PTPN12: variants seen among roughly 807,000 people sequenced by gnomAD.
PTPN12 encodes the protein tyrosine-protein phosphatase non-receptor type 12.
A neutral mutation model predicts 97.6 loss-of-function variants in PTPN12; 29 were observed. The ratio of observed to expected loss-of-function variants is 0.30; its 90% CI spans 0.22 to 0.41. PTPN12 has a LOEUF of 0.41. Among genes scored for constraint, PTPN12 ranks in the 10% least tolerant of loss-of-function variants. The pLI is 1.00. For missense variants in PTPN12, 819 were observed against 926.0 expected, an observed-to-expected ratio of 0.88 and a Z score of 1.50; for synonymous variants, 327 against 300.4, an observed-to-expected ratio of 1.09 and a Z score of -0.91.
intron 2 of PTPN12, 89 bp downstream of exon 2, chr7:77,571,275 G>A (rs1787117158): frequency 2.8e-6 from 2 of 719,996 alleles, no homozygotes; most frequent in Non-Finnish European, 4.6e-6. Flanking sequence ...GAGTTTCACT[G>A]TTAAGGAAGT....
chr7:77,588,966 G>T (rs561265512), intron 5 of PTPN12, among the ~76,000 whole-genome samples: 11 of 151,932 alleles, frequency 7.2e-5, no homozygotes, highest in Non-Finnish European at 5.9e-5. Flanking sequence ...TCCATCTCCC[G>T]GGTTCAGGTA....
chr7:77,575,225 C>G (rs1042842791), intron 2 of PTPN12, among the ~76,000 whole-genome samples: 1 of 152,178 alleles, frequency 6.6e-6, no homozygotes, highest in Non-Finnish European at 1.5e-5. Flanking sequence ...CACAGTGGCT[C>G]ATGCATGTAA....
chr7:77,552,945 G>C (rs1807545108), intron 1 of PTPN12, among the ~76,000 whole-genome samples: 2 of 152,168 alleles, frequency 1.3e-5, no homozygotes, highest in Non-Finnish European at 2.9e-5. Context: ...CATGATTAGG[G>C]CATTAAGTGA....
At chr7:77,622,718 T>A (rs1292829484) in intron 12 of PTPN12, among the ~76,000 whole-genome samples, 3 of 151,618 alleles carry the variant, frequency 2.0e-5, no homozygotes, top group Admixed American at 1.3e-4. Context: ...TTACAGTGAG[T>A]CGAGATCGCG....
chr7:77,541,288 C>T (rs1806961964), intron 1 of PTPN12, among the ~76,000 whole-genome samples: 1 of 152,108 alleles, frequency 6.6e-6, no homozygotes, highest in Non-Finnish European at 1.5e-5. Flanking sequence ...GACAGGGTTT[C>T]CCCATGTTGC....
At chr7:77,587,247 T>C (rs1787719873) in intron 5 of PTPN12, among the ~76,000 whole-genome samples, 1 of 152,136 alleles carries the variant, frequency 6.6e-6, no homozygotes, top group African/African-American at 2.4e-5. Flanking sequence ...GACTTGAAAC[T>C]CAAAATTACT....
intron 3 of PTPN12, among the ~76,000 whole-genome samples, chr7:77,581,766 T>A (rs1787522991): frequency 6.6e-6 from 1 of 152,234 alleles, no homozygotes; most frequent in Non-Finnish European, 1.5e-5. Flanking sequence ...TCTTACCTAT[T>A]ACTAAATTAT....
At chr7:77,555,537 A>AT (rs1202603273) in intron 1 of PTPN12, among the ~76,000 whole-genome samples, 1 of 151,986 alleles carries the variant, frequency 6.6e-6, no homozygotes, top group Admixed American at 6.6e-5. Context: ...AAGTTGAGAG[A>AT]TTCTTTCCTC....
intron 8 of PTPN12, among the ~76,000 whole-genome samples, chr7:77,605,409 G>GTTTTTTTTTTTTTT (rs751962814): frequency 1.0e-4 from 10 of 95,538 alleles, no homozygotes; most frequent in African/African-American, 3.3e-4. Flanking sequence ...TTTGTCATGA[G>GTTTTTTTTTTTTTT]TTTTTTTTTT....
At chr7:77,557,903 G>A (rs534603451) in intron 1 of PTPN12, among the ~76,000 whole-genome samples, 6 of 151,986 alleles carry the variant, frequency 3.9e-5, no homozygotes, top group African/African-American at 7.2e-5. Flanking sequence ...TCAAAAATTC[G>A]TAATAATTCA....
At chr7:77,604,186 C>G (rs1270247725) in intron 8 of PTPN12, among the ~76,000 whole-genome samples, 1 of 136,060 alleles carries the variant, frequency 7.3e-6, no homozygotes, top group Non-Finnish European at 1.6e-5. Flanking sequence ...CGGTTCCCAG[C>G]CTTTGTTTGC....
intron 2 of PTPN12, among the ~76,000 whole-genome samples, chr7:77,573,163 C>A (rs1787218896): frequency 6.7e-6 from 1 of 149,130 alleles, no homozygotes. Flanking sequence ...TGCAAAATAA[C>A]CAGTATACCT....
chr7:77,608,079 G>T lies in PTPN12; in HGVS notation c.762+778G>T, dbSNP rs1212592780. On this transcript the variant is annotated intron_variant, in intron 9 of 17. Coordinates refer to ENST00000248594, the MANE Select transcript of PTPN12 (RefSeq NM_002835.4). ...CCATTGCCTTTTATGTTTACTCTAGGTATAAGTGTATTTCACTCAGTATGT... is the reference window on the plus strand; with the variant it reads ...CCATTGCCTTTTATGTTTACTCTAGTTATAAGTGTATTTCACTCAGTATGT... 3.9e-5 allele frequency among the ~76,000 whole-genome samples: 6 copies of T among 152,216 alleles called. No individual in the cohort carries two copies. The East Asian group carries it at 1.2e-3, about 29-fold the overall frequency.
chr7:77,628,566 T>TC, intron 13 of PTPN12, among the ~76,000 whole-genome samples: 1 of 152,142 alleles, frequency 6.6e-6, no homozygotes, highest in East Asian at 1.9e-4. Context: ...AAAGATTTTT[T>TC]TTTTTTTTTG....
chr7:77,596,532 TCC>T (rs754449104), intron 6 of PTPN12, among the ~76,000 whole-genome samples: 5 of 152,178 alleles, frequency 3.3e-5, no homozygotes, highest in Non-Finnish European at 7.3e-5. Flanking sequence ...TACCTCAGCC[TCC>T]CAAGTAGCTG....
Position 77,616,096 on chromosome 7 carries a change from T to A in PTPN12, c.940-2384T>A, listed in dbSNP as rs539547002. On this transcript the variant is annotated intron_variant, in intron 11 of 17. Coordinates refer to ENST00000248594, the MANE Select transcript of PTPN12 (RefSeq NM_002835.4). ...GAGGAATCCTTCATGAAACCTTTACTTTCTCACATGTAGTGTTTGCCTAAA... is the reference window on the plus strand; with the variant it reads ...GAGGAATCCTTCATGAAACCTTTACATTCTCACATGTAGTGTTTGCCTAAA... 4.6e-5 allele frequency among the ~76,000 whole-genome samples: 7 copies of A among 152,346 alleles called. No homozygotes were observed. In the South Asian group the frequency reaches 1.4e-3, roughly 32 times the overall value.
At chr7:77,624,961 C>G (rs1789081795) in intron 12 of PTPN12, among the ~76,000 whole-genome samples, 1 of 151,596 alleles carries the variant, frequency 6.6e-6, no homozygotes, top group African/African-American at 2.4e-5. Flanking sequence ...ATGGCAAAAC[C>G]CCATCTCTAC....
intron 2 of PTPN12, among the ~76,000 whole-genome samples, chr7:77,578,938 C>T (rs1328576798): frequency 1.3e-5 from 2 of 152,016 alleles, no homozygotes; most frequent in Non-Finnish European, 2.9e-5. Context: ...AACCAAGTGA[C>T]CAAGGTTAAC....
chr7:77,606,245 C>T (rs527519682), intron 8 of PTPN12, among the ~76,000 whole-genome samples: 8 of 151,984 alleles, frequency 5.3e-5, no homozygotes, highest in Non-Finnish European at 1.0e-4. Context: ...TGAGCCCCTG[C>T]GCCCAGCCAC....
Sources: allele counts gnomAD v4.1 joint callset (sites outside exome capture counted in the v4.1 genomes callset), GRCh38; gene constraint gnomAD v4.1.1; transcripts MANE v1.5; gene names NCBI Gene and HGNC (gene_info 2026-07-23, HGNC 2026-07-21).